The following ATP5PF variants were observed in gnomAD, a reference collection of about 807,000 sequenced individuals.
ATP5PF encodes the protein ATP synthase peripheral stalk subunit F6, mitochondrial.
Under a neutral mutation model 12.0 loss-of-function variants are expected in ATP5PF, and 7 were observed. The ratio of observed to expected loss-of-function variants is 0.58; its 90% CI spans 0.33 to 1.10. ATP5PF has a LOEUF of 1.10. ATP5PF is among the 50% of genes least tolerant of loss of function. ATP5PF has a pLI of 0.03. For synonymous variants in ATP5PF, 41 were observed against 45.4 expected (o/e 0.90, Z 0.39); for missense variants, 120 against 127.7 (o/e 0.94, Z 0.29).
chr21:25,727,872 T>C (rs2034658931), intron 2 of ATP5PF, among the ~76,000 whole-genome samples: 1 of 152,156 alleles, frequency 6.6e-6, no homozygotes, highest in Non-Finnish European at 1.5e-5. Flanking sequence ...TGGGGTAACA[T>C]CTATAGGGTT....
chr21:25,730,774 A>AAAAAAAC (rs2034750936), intron 1 of ATP5PF, among the ~76,000 whole-genome samples: 1 of 136,258 alleles, frequency 7.3e-6, no homozygotes, highest in African/African-American at 2.9e-5. Flanking sequence ...AAAAAAAAAA[A>AAAAAAAC]AGACTTAAAG....
In ATP5PF at chr21:25,729,805, TTACAGAAAACAAGCA is replaced by T; in HGVS notation, c.-7-19_-7-5del. 1.9e-6 allele frequency: 3 copies of T among 1,609,738 alleles called. No individual in the cohort carries two copies. Among genetic ancestry groups the T allele is most frequent in the Non-Finnish European group, 1.7e-6 (2 of 1,178,896 alleles). ...CCTCTGAAGAATCATGCTGATTCTG[TTACAGAAAACAAGCA>T]GCAGAAACGTTAATATACTTATTAT... is the stretch of plus-strand genomic sequence containing the variant. On this transcript the variant is annotated splice_polypyrimidine_tract_variant and splice_region_variant and intron_variant, in intron 1 of 3. Coordinates refer to ENST00000284971, the MANE Select transcript of ATP5PF (RefSeq NM_001003703.2).
intron 1 of ATP5PF, among the ~76,000 whole-genome samples, chr21:25,732,843 A>C (rs1242012205): frequency 6.6e-6 from 1 of 151,260 alleles, no homozygotes; most frequent in Non-Finnish European, 1.5e-5. Flanking sequence ...ATTAGCCGGG[A>C]GTGGTGGCAC....
chr21:25,734,848 G>C lies in ATP5PF; in HGVS notation c.-8+5C>G. 1 of 1,537,290 alleles carries C rather than the reference G, an allele frequency of 6.5e-7. No homozygotes were observed. Among genetic ancestry groups the C allele is most frequent in the African/African-American group, 1.4e-5 (1 of 73,104 alleles). ...CCACGCTGATCTAGCTACCCTCCCAGTCACCTTGCACTCAGTCCCGAGCTG... is the reference window on the plus strand; with the variant it reads ...CCACGCTGATCTAGCTACCCTCCCACTCACCTTGCACTCAGTCCCGAGCTG... On this transcript the variant is annotated splice_donor_5th_base_variant and intron_variant, in intron 1 of 3. Coordinates refer to ENST00000284971, the MANE Select transcript of ATP5PF (RefSeq NM_001003703.2).
At chr21:25,724,788 G>T in intron 3 of ATP5PF, 111 bp from the exon 4 acceptor site, 1 of 1,070,634 alleles carries the variant, frequency 9.3e-7, no homozygotes, top group Non-Finnish European at 1.4e-6. Context: ...AGTAAACACT[G>T]TTTGTAAACA....
rs1002646052 is a variant in ATP5PF, at chr21:25,734,514, C to A, written c.-8+339G>T. 4 of 622,962 alleles carry A rather than the reference C, an allele frequency of 6.4e-6. No individual in the cohort carries two copies. In the African/African-American group the frequency reaches 7.8e-5, roughly 12 times the overall value. 38.6% of individuals were successfully genotyped at this position (622,962 alleles called of 1,614,324 possible). A position where few individuals can be genotyped will look rare whatever the true frequency, so the allele number is the denominator to read the frequency against. On this transcript the variant is annotated intron_variant, in intron 1 of 3. Transcript: ENST00000284971. ...CCTAAGTAGCCTAGACGCTCCCGTG[C>A]GCCCGGGGCGGGTAGGCCTGGCCGA...
At chr21:25,734,650 C>T (rs1490588979) in intron 1 of ATP5PF, 7 of 497,078 alleles carry the variant, frequency 1.4e-5, no homozygotes, top group African/African-American at 7.9e-5. Flanking sequence ...GAGAGGGTAT[C>T]GATCTTATTT....
In ATP5PF at chr21:25,734,253, G is replaced by A. The variant is rs572953084; in HGVS notation, c.-8+600C>T. ...TGACATGATCAGAAAGACTGGGGAAGGCAACAGTAAGAAAACACTAGTCTG... is the reference window on the plus strand; with the variant it reads ...TGACATGATCAGAAAGACTGGGGAAAGCAACAGTAAGAAAACACTAGTCTG... On this transcript the variant is annotated intron_variant, in intron 1 of 3. Transcript: ENST00000284971. The A allele has an allele frequency of 9.2e-5, 82 of 893,190 alleles. 1 individual carries two copies. The highest frequency in any genetic ancestry group is 3.1e-4 in the African/African-American group (17 of 55,282). 55.3% of individuals were successfully genotyped at this position (893,190 alleles called of 1,614,324 possible).
At chr21:25,729,035 C>G (rs1207620331) in intron 2 of ATP5PF, among the ~76,000 whole-genome samples, 2 of 152,136 alleles carry the variant, frequency 1.3e-5, no homozygotes, top group Non-Finnish European at 2.9e-5. Flanking sequence ...GGTGGTCATT[C>G]CTTTCCAAAA....
At chr21:25,725,414 T>G (rs2034591841) in intron 2 of ATP5PF, 64 bp from the exon 3 acceptor site, 2 of 1,462,698 alleles carry the variant, frequency 1.4e-6, no homozygotes, top group Admixed American at 2.7e-5. Flanking sequence ...CAAAATTACT[T>G]TTCACCACCA....
rs370858284 is a variant in ATP5PF, at chr21:25,732,985, C to CAAAAA, written c.-8+1863_-8+1867dup. Among the ~76,000 whole-genome samples, 233 of 47,806 alleles carry CAAAAA rather than the reference C, an allele frequency of 4.9e-3. 29 individuals are homozygous for CAAAAA. Among genetic ancestry groups the CAAAAA allele is most frequent in the African/African-American group, 0.018 (217 of 11,976 alleles). 31.4% of individuals were successfully genotyped at this position (47,806 alleles called of 152,430 possible). ...GGGCAACAAGAGTGAAACTCTGTCTCAAAAAAAAAAAAAAAAAAAAAAAAA... is the reference window on the plus strand; with the variant it reads ...GGGCAACAAGAGTGAAACTCTGTCTCAAAAAAAAAAAAAAAAAAAAAAAAAAAAAA... On this transcript the variant is annotated intron_variant, in intron 1 of 3. Coordinates refer to ENST00000284971, the MANE Select transcript of ATP5PF (RefSeq NM_001003703.2).
At chr21:25,730,768 A>AAAAAAAAAAAAAT in intron 1 of ATP5PF, among the ~76,000 whole-genome samples, 1 of 141,210 alleles carries the variant, frequency 7.1e-6, no homozygotes, top group Non-Finnish European at 1.5e-5. Context: ...AAAAAAAAAA[A>AAAAAAAAAAAAAT]AAAAAAAGAC....
At chr21:25,734,595 AC>A in intron 1 of ATP5PF, 2 of 412,498 alleles carry the variant, frequency 4.8e-6, no homozygotes, top group Non-Finnish European at 7.9e-6. Context: ...CGGGCCCGAG[AC>A]CCCCGGGCCT....
chr21:25,732,657 AAAAG>A (rs929425442), intron 1 of ATP5PF, among the ~76,000 whole-genome samples: 12 of 151,776 alleles, frequency 7.9e-5, no homozygotes, highest in South Asian at 2.1e-4. Flanking sequence ...AAAAAAAAAA[AAAAG>A]AAAGAAAGAA....
intron 1 of ATP5PF, among the ~76,000 whole-genome samples, chr21:25,730,605 A>G (rs1267686093): frequency 4.0e-5 from 6 of 151,676 alleles, no homozygotes; most frequent in African/African-American, 1.5e-4. Flanking sequence ...GTGGTGGCGC[A>G]TGCCTGTAAT....
upstream of ATP5PF, chr21:25,735,207 C>G: frequency 1.7e-6 from 1 of 593,212 alleles, no homozygotes; most frequent in Non-Finnish European, 3.0e-6. Flanking sequence ...GTTCAAGCTC[C>G]CCTCCGAGTC....
chr21:25,734,037 G>A (rs551962376), intron 1 of ATP5PF, among the ~76,000 whole-genome samples: 1 of 152,216 alleles, frequency 6.6e-6, no homozygotes, highest in South Asian at 2.1e-4. Flanking sequence ...TCCAAAAAAC[G>A]AACACATAAT....
chr21:25,735,029 G>A, upstream of ATP5PF: 1 of 1,488,526 alleles, frequency 6.7e-7, no homozygotes, highest in Non-Finnish European at 9.1e-7. Context: ...GACCGGACGG[G>A]TCTAGGTGAG....
chr21:25,729,489 G>T (rs1228371518), intron 2 of ATP5PF, 142 bp downstream of exon 2: 6 of 669,894 alleles, frequency 9.0e-6, no homozygotes, highest in Admixed American at 6.8e-5. Context: ...CTTCTTTTTT[G>T]AGGGCACCTA....
Sources: gnomAD v4.1 joint callset for allele counts (sites outside exome capture counted in the v4.1 genomes callset) on GRCh38, gnomAD v4.1.1 for gene constraint, MANE v1.5 for transcripts, NCBI Gene and HGNC (gene_info 2026-07-23, HGNC 2026-07-21) for gene names.